Variants in SOX5 observed in about 807,000 individuals in gnomAD.
SOX5 encodes SRY-box transcription factor 5, also known as transcription factor SOX-5.
SOX5 carries 9 observed loss-of-function variants against 92.0 expected under a neutral mutation model. The observed-to-expected ratio is 0.10, with a 90% CI of 0.06 to 0.17. The LOEUF (loss-of-function observed/expected upper bound fraction) is 0.17. Ranked by LOEUF, SOX5 falls within the 10% of genes least tolerant of loss-of-function variation. The probability of loss-of-function intolerance (pLI) is 1.00; values close to 1 mark genes in which losing one functional copy is unlikely to be tolerated. For missense variants in SOX5, 642 were observed against 944.5 expected (o/e 0.68, Z 4.20); for synonymous variants, 344 against 336.3 (o/e 1.02, Z -0.25).
At chr12:24,040,200 T>C (rs1405365138) in intron 4 of SOX5, among the ~76,000 whole-genome samples, 1 of 152,208 alleles carries the variant, frequency 6.6e-6, no homozygotes, top group Admixed American at 6.5e-5. Flanking sequence ...AGACTTCTTT[T>C]CCAGGTAGTC....
At chr12:24,548,863 T>A (rs1952891468) in intron 1 of SOX5, among the ~76,000 whole-genome samples, 1 of 152,206 alleles carries the variant, frequency 6.6e-6, no homozygotes, top group South Asian at 2.1e-4. Flanking sequence ...CAAATTTTAT[T>A]GTCCTGAGAA....
At position 23,611,108 on chromosome 12, in the gene SOX5, T is replaced by C. The variant is rs187136786; in HGVS notation, c.1018-6575A>G. ...CCTTTTAGTTTGCTTAAAGTTTAAT[T>C]TTCTATTTTATAAAATTATTATTTG... On this transcript the variant is annotated intron_variant, in intron 8 of 14. Transcript: ENST00000451604. 5.3e-5 allele frequency among the ~76,000 whole-genome samples: 8 copies of C among 152,198 alleles called. No homozygotes were observed. In the East Asian group the frequency reaches 1.5e-3, roughly 29 times the overall value.
At chr12:23,781,652 T>G (rs2095281885) in intron 3 of SOX5, among the ~76,000 whole-genome samples, 1 of 151,998 alleles carries the variant, frequency 6.6e-6, no homozygotes, top group Admixed American at 6.6e-5. Context: ...TCAAGCACAT[T>G]ATAATGTGTT....
chr12:23,839,826 G>A (rs1345090992), intron 3 of SOX5, among the ~76,000 whole-genome samples: 2 of 51,328 alleles, frequency 3.9e-5, no homozygotes, highest in African/African-American at 7.5e-5. Flanking sequence ...TTCTCAACTT[G>A]GTAAAAAAAA....
chr12:24,129,860 A>C (rs1013358078), intron 4 of SOX5, among the ~76,000 whole-genome samples: 1 of 152,224 alleles, frequency 6.6e-6, no homozygotes, highest in Non-Finnish European at 1.5e-5. Context: ...CCAACGTTAG[A>C]GTTTTAGGTT....
intron 4 of SOX5, among the ~76,000 whole-genome samples, chr12:24,103,431 T>C (rs563896284): frequency 2.6e-5 from 4 of 152,088 alleles, no homozygotes; most frequent in African/African-American, 9.7e-5. Flanking sequence ...CGTAGCTCAC[T>C]TTAGCCTCAC....
At chr12:24,204,916 A>G (rs34537148) in intron 4 of SOX5, among the ~76,000 whole-genome samples, 4,829 of 152,296 alleles carry the variant, frequency 0.032, 89 homozygotes, top group Middle Eastern at 0.058. Flanking sequence ...TGGTGCTAAC[A>G]ATTAAGGAAA....
intron 1 of SOX5, 86 bp downstream of exon 1, chr12:23,949,477 TG>T: frequency 6.6e-7 from 1 of 1,515,242 alleles, no homozygotes; most frequent in East Asian, 2.3e-5. Context: ...AAACACGTTT[TG>T]GGGGAGCATC....
chr12:24,516,800 A>G (rs910000939), intron 1 of SOX5, among the ~76,000 whole-genome samples: 28 of 152,326 alleles, frequency 1.8e-4, no homozygotes, highest in African/African-American at 6.5e-4. Flanking sequence ...TAGTATTTTC[A>G]GCATAATTTT....
intron 4 of SOX5, among the ~76,000 whole-genome samples, chr12:23,983,902 C>A (rs1276837222): frequency 6.6e-6 from 1 of 151,984 alleles, no homozygotes; most frequent in African/African-American, 2.4e-5. Context: ...AAACATGAAG[C>A]AAAATTAAAA....
intron 4 of SOX5, among the ~76,000 whole-genome samples, chr12:23,973,411 G>A (rs1407227929): frequency 1.3e-5 from 2 of 151,946 alleles, no homozygotes; most frequent in Admixed American, 6.6e-5. Flanking sequence ...CACCCACCTC[G>A]GCCTCCCAAG....
intron 7 of SOX5, among the ~76,000 whole-genome samples, chr12:23,650,866 A>T (rs2081471701): frequency 6.6e-6 from 1 of 152,134 alleles, no homozygotes; most frequent in Admixed American, 6.6e-5. Flanking sequence ...TGTTCCAGAT[A>T]TATCAGTTTT....
intron 3 of SOX5, among the ~76,000 whole-genome samples, chr12:24,256,454 C>T (rs1251499073): frequency 6.6e-6 from 1 of 152,110 alleles, no homozygotes; most frequent in African/African-American, 2.4e-5. Context: ...TATGGAAATC[C>T]CACTTCTGCG....
At chr12:23,944,498 G>A (rs560869314) in intron 1 of SOX5, 3 of 152,264 alleles carry the variant, frequency 2.0e-5, no homozygotes, top group East Asian at 3.9e-4. Flanking sequence ...CAAACTGCAG[G>A]AGAAAACACA....
chr12:24,024,780 GT>G (rs1447840323), intron 4 of SOX5, among the ~76,000 whole-genome samples: 3 of 151,964 alleles, frequency 2.0e-5, no homozygotes, highest in Non-Finnish European at 4.4e-5. Flanking sequence ...TGACCAATCT[GT>G]AACTCTGAGT....
chr12:24,034,654 A>G (rs1025285369), intron 4 of SOX5, among the ~76,000 whole-genome samples: 12 of 151,690 alleles, frequency 7.9e-5, no homozygotes, highest in Admixed American at 2.6e-4. Flanking sequence ...ATTGAATGCA[A>G]CAGGCAGGCA....
intron 3 of SOX5, among the ~76,000 whole-genome samples, chr12:24,220,894 C>T (rs2686335): frequency 0.8 from 120,961 of 152,098 alleles, 48,633 homozygotes; most frequent in Middle Eastern, 0.86. Flanking sequence ...ATGTAGTAGC[C>T]GAAAGTCTGA....
intron 13 of SOX5, among the ~76,000 whole-genome samples, chr12:23,540,798 C>T (rs1211423241): frequency 1.3e-5 from 2 of 152,136 alleles, no homozygotes; most frequent in African/African-American, 2.4e-5. Context: ...CCAGAGACTA[C>T]GTAAAATGTC....
intron 6 of SOX5, among the ~76,000 whole-genome samples, chr12:23,715,909 GA>G (rs2092463921): frequency 6.7e-6 from 1 of 149,964 alleles, no homozygotes; most frequent in South Asian, 2.1e-4. Flanking sequence ...ATCCAAACAT[GA>G]CTATCATTAG....
Sources: gnomAD v4.1 joint callset for allele counts (sites outside exome capture counted in the v4.1 genomes callset) on GRCh38, gnomAD v4.1.1 for gene constraint, MANE v1.5 for transcripts, NCBI Gene and HGNC (gene_info 2026-07-23, HGNC 2026-07-21) for gene names.